Variants in ZNF608 observed in about 807,000 individuals in gnomAD.
ZNF608 encodes the protein zinc finger protein 608.
In ZNF608, 12 loss-of-function variants were observed where a neutral mutation model predicts 109.0. The ratio of observed to expected loss-of-function variants is 0.11; its 90% confidence interval spans 0.07 to 0.18. The LOEUF is 0.18. Ranked by LOEUF, ZNF608 falls within the 10% of genes least tolerant of loss-of-function variation. The probability of loss-of-function intolerance (pLI) is 1.00; values close to 1 mark genes in which losing one functional copy is unlikely to be tolerated. For missense variants in ZNF608, 1,707 were observed against 1,879.3 expected (o/e 0.91, Z 1.70); for synonymous variants, 732 against 717.4 (o/e 1.02, Z -0.33).
chr5:124,647,968 C>A lies in ZNF608; in HGVS notation c.2416G>T (p.Val806Leu). The A allele has an allele frequency of 6.2e-7, 1 of 1,614,204 alleles. No homozygotes were observed. Among genetic ancestry groups the A allele is most frequent in the Non-Finnish European group, 8.5e-7 (1 of 1,180,048 alleles). ...TTTTTCTTTTTGTCTTTGAGTGACA[C>A]CAGAGCTGGGTTCACGGTGATGGGC... ...GEPITVNPAL[V>L]SLKDKKKKEK... The change falls in exon 5 of 10, where the codon GTG becomes TTG. Residue 806 changes from valine to leucine, a missense_variant. Coordinates refer to ENST00000513986, the MANE Select transcript of ZNF608 (RefSeq NM_020747.3).
intron 2 of ZNF608, among the ~76,000 whole-genome samples, chr5:124,713,855 AG>A (rs889021759): frequency 4.3e-4 from 66 of 152,200 alleles, no homozygotes; most frequent in African/African-American, 1.6e-3. Flanking sequence ...ACAGAAGTGT[AG>A]GAGATTTTAA....
chr5:124,725,967 T>G (rs1215568794), intron 2 of ZNF608, among the ~76,000 whole-genome samples: 1 of 152,164 alleles, frequency 6.6e-6, no homozygotes, highest in Non-Finnish European at 1.5e-5. Context: ...AGTGTCCTGT[T>G]TTTTCTCACC....
At chr5:124,740,683 C>T (rs895931188) in intron 2 of ZNF608, among the ~76,000 whole-genome samples, 2 of 152,156 alleles carry the variant, frequency 1.3e-5, no homozygotes, top group Non-Finnish European at 2.9e-5. Context: ...CATTTGTAGA[C>T]ACCACCTTTA....
In ZNF608 at chr5:124,733,217, C is replaced by CTT. The variant is rs67421322; in HGVS notation, c.906+10865_906+10866dup. On this transcript the variant is annotated intron_variant, in intron 2 of 9. Transcript: ENST00000513986. ...CCATTCATTCTCTCTATCTCTCTCT[C>CTT]TTTTTTTTTTTTTTTTTTTTTTTCT... Among the ~76,000 whole-genome samples, 914 of 117,508 alleles carry CTT rather than the reference C, an allele frequency of 7.8e-3. 12 individuals carry two copies. Among genetic ancestry groups the CTT allele is most frequent in the African/African-American group, 0.018 (534 of 29,360 alleles). 77.1% of individuals were successfully genotyped at this position (117,508 alleles called of 152,430 possible).
intron 3 of ZNF608, among the ~76,000 whole-genome samples, chr5:124,685,136 A>T (rs112307790): frequency 6.7e-6 from 1 of 149,922 alleles, no homozygotes; most frequent in Non-Finnish European, 1.5e-5. Context: ...GTCACACACT[A>T]TCAACTCCAA....
intron 3 of ZNF608, among the ~76,000 whole-genome samples, chr5:124,686,050 G>T (rs1049088421): frequency 6.6e-6 from 1 of 152,194 alleles, no homozygotes; most frequent in African/African-American, 2.4e-5. Flanking sequence ...ATTTTAAGAA[G>T]ACTTTTAATT....
chr5:124,686,717 A>G (rs1752426426), intron 3 of ZNF608, among the ~76,000 whole-genome samples: 2 of 152,216 alleles, frequency 1.3e-5, no homozygotes, highest in Admixed American at 6.5e-5. Flanking sequence ...GACACATTAA[A>G]TGTTCTCAGT....
chr5:124,746,472 G>A lies in ZNF608; in HGVS notation c.-461C>T, dbSNP rs897726331. The A allele has an allele frequency of 2.0e-6, 2 of 982,392 alleles. No homozygotes were observed. Among genetic ancestry groups the A allele is most frequent in the African/African-American group, 3.5e-5 (2 of 56,828 alleles). The allele number at this position is 982,392 out of a possible 1,614,324, so 60.9% of individuals were successfully genotyped here. ...CACATTCACAACAGAAGCACCAAAG[G>A]TTTTTTTTTCCTCTTAACAAGCATC... On this transcript the variant is annotated 5_prime_UTR_variant, in exon 1 of 10. Coordinates refer to ENST00000513986, the MANE Select transcript of ZNF608 (RefSeq NM_020747.3).
intron 2 of ZNF608, among the ~76,000 whole-genome samples, chr5:124,704,350 G>A (rs1753172904): frequency 6.6e-6 from 1 of 152,142 alleles, no homozygotes; most frequent in African/African-American, 2.4e-5. Flanking sequence ...ATAGGTACCA[G>A]ACCAGCACTA....
At chr5:124,736,851 C>T (rs1030444173) in intron 2 of ZNF608, among the ~76,000 whole-genome samples, 2 of 152,122 alleles carry the variant, frequency 1.3e-5, no homozygotes, top group Non-Finnish European at 2.9e-5. Context: ...TAAAAGAGTC[C>T]ACTTCTTAAA....
chr5:124,659,332 G>A (rs187252553), intron 3 of ZNF608, among the ~76,000 whole-genome samples: 9 of 152,256 alleles, frequency 5.9e-5, no homozygotes, highest in African/African-American at 1.7e-4. Context: ...CTAAAAGGGC[G>A]TAGAAGGGTG....
Position 124,637,809 on chromosome 5 carries a change from G to A in ZNF608, c.*91C>T. On this transcript the variant is annotated 3_prime_UTR_variant, in exon 10 of 10. Coordinates refer to ENST00000513986, the MANE Select transcript of ZNF608 (RefSeq NM_020747.3). ...ATGACTGGTTTTTGCCTGCCATTAA[G>A]GCATTTCAAATTAACACCATGGAAC... 7.4e-7 allele frequency: 1 copy of A among 1,358,812 alleles called. No individual in the cohort carries two copies. The highest frequency in any genetic ancestry group is 2.1e-5 in the Admixed American group (1 of 47,752). 84.2% of individuals were successfully genotyped at this position (1,358,812 alleles called of 1,614,324 possible).
At chr5:124,656,798 A>AC (rs1182524699) in intron 3 of ZNF608, among the ~76,000 whole-genome samples, 4 of 107,626 alleles carry the variant, frequency 3.7e-5, no homozygotes, top group Admixed American at 2.1e-4. Context: ...AATAAGCCCT[A>AC]AACACACACA....
chr5:124,703,505 C>A (rs1464299608), intron 2 of ZNF608, among the ~76,000 whole-genome samples: 1 of 152,144 alleles, frequency 6.6e-6, no homozygotes, highest in Non-Finnish European at 1.5e-5. Flanking sequence ...GTGGCTCACA[C>A]TTGTAATCCC....
upstream of ZNF608, chr5:124,748,479 G>A (rs1390175798): frequency 1.1e-5 from 10 of 942,828 alleles, no homozygotes; most frequent in African/African-American, 1.8e-5. Flanking sequence ...ACATTCCCCT[G>A]CATGAAGTCC....
At chr5:124,696,701 C>G (rs1752862083) in intron 3 of ZNF608, among the ~76,000 whole-genome samples, 1 of 152,154 alleles carries the variant, frequency 6.6e-6, no homozygotes, top group Admixed American at 6.5e-5. Flanking sequence ...ATTAAACAAC[C>G]CTGCTCACCT....
At chr5:124,703,456 A>G (rs1753136292) in intron 2 of ZNF608, among the ~76,000 whole-genome samples, 1 of 152,016 alleles carries the variant, frequency 6.6e-6, no homozygotes, top group Non-Finnish European at 1.5e-5. Flanking sequence ...TCTGAGGCCC[A>G]TTTTCCTCAA....
intron 3 of ZNF608, among the ~76,000 whole-genome samples, chr5:124,659,298 C>T (rs555005075): frequency 2.0e-5 from 3 of 152,130 alleles, no homozygotes; most frequent in Non-Finnish European, 4.4e-5. Flanking sequence ...CCATGCCACT[C>T]ACCAAAAGAC....
At chr5:124,703,878 A>G (rs2149854522) in intron 2 of ZNF608, among the ~76,000 whole-genome samples, 1 of 152,154 alleles carries the variant, frequency 6.6e-6, no homozygotes, top group Middle Eastern at 3.4e-3. Context: ...ACATAACTCC[A>G]TCTATAGATA....
Sources: gnomAD v4.1 joint callset for allele counts (sites outside exome capture counted in the v4.1 genomes callset) on GRCh38, gnomAD v4.1.1 for gene constraint, MANE v1.5 for transcripts, NCBI Gene and HGNC (gene_info 2026-07-23, HGNC 2026-07-21) for gene names.